ZBTB16: variants seen among roughly 807,000 people sequenced by gnomAD.
ZBTB16 encodes zinc finger and BTB domain-containing protein 16.
Under a neutral mutation model 56.8 loss-of-function variants are expected in ZBTB16, and 8 were observed. The ratio of observed to expected loss-of-function variants is 0.14; its 90% CI spans 0.08 to 0.25. The LOEUF (loss-of-function observed/expected upper bound fraction) is 0.25. Among genes scored for constraint, ZBTB16 ranks in the 10% least tolerant of loss-of-function variants. The probability of loss-of-function intolerance (pLI) is 1.00; values close to 1 mark genes in which losing one functional copy is unlikely to be tolerated. For missense variants in ZBTB16, 625 were observed against 903.0 expected (o/e 0.69, Z 3.95); for synonymous variants, 363 against 368.5 (o/e 0.98, Z 0.17).
At chr11:114,137,897 A>T (rs543623622) in intron 2 of ZBTB16, among the ~76,000 whole-genome samples, 1 of 152,176 alleles carries the variant, frequency 6.6e-6, no homozygotes, top group Admixed American at 6.5e-5. Flanking sequence ...GCACATCTGC[A>T]TGTTGGTGAT....
intron 2 of ZBTB16, among the ~76,000 whole-genome samples, chr11:114,104,199 G>A (rs941457331): frequency 2.0e-5 from 3 of 152,164 alleles, no homozygotes; most frequent in African/African-American, 7.2e-5. Context: ...AGAAAACTGG[G>A]ACCTAACCAT....
intron 2 of ZBTB16, among the ~76,000 whole-genome samples, chr11:114,079,819 A>AC: frequency 6.6e-6 from 1 of 152,170 alleles, no homozygotes. Context: ...TGGGAAGTGG[A>AC]CAAGGCCAAG....
intron 4 of ZBTB16, among the ~76,000 whole-genome samples, chr11:114,215,506 C>T (rs1417848009): frequency 6.6e-6 from 1 of 152,200 alleles, no homozygotes; most frequent in East Asian, 1.9e-4. Flanking sequence ...CAGCATATTG[C>T]TTCTACCTAG....
Position 114,167,232 on chromosome 11 carries a change from G to GTTTTTTTTTTTTTTTTTTT in ZBTB16, c.1366+10801_1366+10819dup, listed in dbSNP as rs58946694. 1.9e-3 allele frequency among the ~76,000 whole-genome samples: 168 copies of GTTTTTTTTTTTTTTTTTTT among 88,704 alleles called. 8 individuals are homozygous for GTTTTTTTTTTTTTTTTTTT. The highest frequency in any genetic ancestry group is 2.8e-3 in the East Asian group (8 of 2,872). The allele number at this position is 88,704 out of a possible 152,430, so 58.2% of individuals were successfully genotyped here. Reference sequence around the variant, plus strand: ...GGATTTGTGGTTTTTTTTTTTTTTGGTTTTTTTTTTTTTTTTTTTTTGACA... The same window carrying GTTTTTTTTTTTTTTTTTTT: ...GGATTTGTGGTTTTTTTTTTTTTTGGTTTTTTTTTTTTTTTTTTTTTTTTTTTTTTTTTTTTTTTTGACA... On this transcript the variant is annotated intron_variant, in intron 3 of 6. Coordinates refer to ENST00000335953, the MANE Select transcript of ZBTB16 (RefSeq NM_006006.6).
At chr11:114,091,225 A>C (rs1384350660) in intron 2 of ZBTB16, among the ~76,000 whole-genome samples, 1 of 152,126 alleles carries the variant, frequency 6.6e-6, no homozygotes, top group Admixed American at 6.5e-5. Flanking sequence ...GCATGCACCT[A>C]TAGTCCCAGC....
At chr11:114,065,652 G>C (rs774104567) in intron 2 of ZBTB16, among the ~76,000 whole-genome samples, 1 of 152,184 alleles carries the variant, frequency 6.6e-6, no homozygotes, top group African/African-American at 2.4e-5. Context: ...CCGACCTCAG[G>C]TGATCGGCCT....
chr11:114,173,986 C>G (rs1418927452), intron 3 of ZBTB16, among the ~76,000 whole-genome samples: 2 of 152,224 alleles, frequency 1.3e-5, no homozygotes, highest in Non-Finnish European at 2.9e-5. Context: ...ATAAGTCACT[C>G]TAGAAGATCG....
chr11:114,237,520 C>T (rs1376063549), intron 4 of ZBTB16, among the ~76,000 whole-genome samples: 5 of 152,224 alleles, frequency 3.3e-5, no homozygotes, highest in Non-Finnish European at 5.9e-5. Flanking sequence ...GGGAGCAGAG[C>T]GTTCCAGTGC....
intron 2 of ZBTB16, among the ~76,000 whole-genome samples, chr11:114,109,585 A>G (rs1221919557): frequency 6.6e-6 from 1 of 152,094 alleles, no homozygotes; most frequent in Non-Finnish European, 1.5e-5. Context: ...TATGGCCTGG[A>G]AGTGAGCCTA....
intron 2 of ZBTB16, among the ~76,000 whole-genome samples, chr11:114,132,859 C>G (rs1238264495): frequency 1.3e-5 from 2 of 152,028 alleles, no homozygotes; most frequent in African/African-American, 4.8e-5. Context: ...ACAGTATAGA[C>G]TCTGAGGGGG....
At chr11:114,089,867 C>T (rs1209257067) in intron 2 of ZBTB16, among the ~76,000 whole-genome samples, 1 of 152,184 alleles carries the variant, frequency 6.6e-6, no homozygotes, top group African/African-American at 2.4e-5. Context: ...CGTAAAGGTT[C>T]AGAGGTTTTA....
Position 114,254,812 on chromosome 11 carries a change from G to A in ZBTB16, c.*4257G>A, listed in dbSNP as rs1041757345. 3.9e-5 allele frequency among the ~76,000 whole-genome samples: 6 copies of A among 152,154 alleles called. No homozygotes were observed. The highest frequency in any genetic ancestry group is 3.9e-4 in the East Asian group (2 of 5,186). ...GGATGAAAGGCGAGACTCACCCTACGCGGTGGGACAGATGGGGAGAGGAAA... is the reference window on the plus strand; with the variant it reads ...GGATGAAAGGCGAGACTCACCCTACACGGTGGGACAGATGGGGAGAGGAAA... On this transcript the variant is annotated 3_prime_UTR_variant, in exon 7 of 7. Transcript: ENST00000335953.
At chr11:114,219,006 A>G (rs2135146540) in intron 4 of ZBTB16, among the ~76,000 whole-genome samples, 1 of 152,220 alleles carries the variant, frequency 6.6e-6, no homozygotes, top group South Asian at 2.1e-4. Flanking sequence ...CAAGGCGTAA[A>G]GTGAGAGCCG....
rs143715384 is a variant in ZBTB16 at position 114,117,972 on chromosome 11, C to T, written c.1269-38365C>T. ...GGGTTCGTGAGCTATAAACTCTTCCCTTGCTCCTAATTAATCCTTTGTAGT... is the reference window on the plus strand; with the variant it reads ...GGGTTCGTGAGCTATAAACTCTTCCTTTGCTCCTAATTAATCCTTTGTAGT... On this transcript the variant is annotated intron_variant, in intron 2 of 6. Coordinates refer to ENST00000335953, the MANE Select transcript of ZBTB16 (RefSeq NM_006006.6). 3.7e-3 allele frequency among the ~76,000 whole-genome samples: 560 copies of T among 152,244 alleles called. 4 individuals are homozygous for T. The highest frequency in any genetic ancestry group is 0.013 in the African/African-American group (546 of 41,536).
intron 3 of ZBTB16, among the ~76,000 whole-genome samples, chr11:114,175,687 T>C (rs570592861): frequency 6.6e-6 from 1 of 152,188 alleles, no homozygotes; most frequent in African/African-American, 2.4e-5. Context: ...CGGCATTCTC[T>C]TCAGTCAGTG....
At chr11:114,062,247 G>T (rs1244891653) in intron 1 of ZBTB16, among the ~76,000 whole-genome samples, 1 of 152,106 alleles carries the variant, frequency 6.6e-6, no homozygotes, top group Non-Finnish European at 1.5e-5. Flanking sequence ...GGGATTACAG[G>T]CGGGTGCCAC....
intron 4 of ZBTB16, among the ~76,000 whole-genome samples, chr11:114,224,954 G>A (rs2135158501): frequency 6.6e-6 from 1 of 152,254 alleles, no homozygotes; most frequent in Admixed American, 6.5e-5. Flanking sequence ...GATTACAGTG[G>A]GTTGAGGAGT....
chr11:114,204,478 A>G (rs1447438205), intron 4 of ZBTB16, among the ~76,000 whole-genome samples: 3 of 152,146 alleles, frequency 2.0e-5, no homozygotes, highest in Non-Finnish European at 4.4e-5. Flanking sequence ...TATGATATTC[A>G]GTGCATACTG....
chr11:114,231,748 AAAG>A (rs1210844182), intron 4 of ZBTB16, among the ~76,000 whole-genome samples: 2 of 152,290 alleles, frequency 1.3e-5, no homozygotes. Context: ...TCTTTAGCTA[AAAG>A]AAGGCTGTGA....
Sources: allele counts gnomAD v4.1 joint callset (sites outside exome capture counted in the v4.1 genomes callset), GRCh38; gene constraint gnomAD v4.1.1; transcripts MANE v1.5; gene names NCBI Gene and HGNC (gene_info 2026-07-23, HGNC 2026-07-21).